JAKMIP2: variants seen among roughly 807,000 people sequenced by gnomAD.
JAKMIP2 encodes janus kinase and microtubule-interacting protein 2.
JAKMIP2 carries 25 observed loss-of-function variants against 115.0 expected under a neutral mutation model. That is an observed-to-expected ratio of 0.22 (90% CI 0.16 to 0.30). The LOEUF (loss-of-function observed/expected upper bound fraction) is 0.30, where lower values mean the gene tolerates loss of function less well. Among genes scored for constraint, JAKMIP2 ranks in the 10% least tolerant of loss-of-function variants. The pLI, the probability that JAKMIP2 is intolerant of heterozygous loss-of-function variation, is 1.00. For synonymous variants in JAKMIP2, 334 were observed against 343.6 expected (o/e 0.97, Z 0.31); for missense variants, 642 against 957.6 (o/e 0.67, Z 4.35).
chr5:147,724,839 A>T (rs1018351651), intron 1 of JAKMIP2, among the ~76,000 whole-genome samples: 1 of 151,912 alleles, frequency 6.6e-6, no homozygotes, highest in Non-Finnish European at 1.5e-5. Context: ...TAGATAAAAA[A>T]CAAGGAAGGA....
chr5:147,689,335 T>C (rs982619910), intron 1 of JAKMIP2, among the ~76,000 whole-genome samples: 6 of 151,960 alleles, frequency 3.9e-5, no homozygotes, highest in Admixed American at 2.6e-4. Context: ...ACAGGAGGAG[T>C]TGAGAGGGGC....
At chr5:147,662,609 G>A (rs1759071187) in intron 2 of JAKMIP2, among the ~76,000 whole-genome samples, 1 of 151,772 alleles carries the variant, frequency 6.6e-6, no homozygotes, top group African/African-American at 2.4e-5. Context: ...CTGCTGCTTG[G>A]CTCTGTCTCT....
chr5:147,611,249 A>T (rs1286903291), intron 20 of JAKMIP2, among the ~76,000 whole-genome samples: 1 of 152,194 alleles, frequency 6.6e-6, no homozygotes, highest in Non-Finnish European at 1.5e-5. Context: ...AAACTCATGC[A>T]GCTAGCTCAG....
chr5:147,762,716 A>G (rs367810386), intron 1 of JAKMIP2, among the ~76,000 whole-genome samples: 2 of 152,296 alleles, frequency 1.3e-5, no homozygotes, highest in Admixed American at 6.5e-5. Context: ...GGGCTTCAAC[A>G]TATGAATTTG....
chr5:147,637,437 A>ATTTTGTTTTTTTTTTTTTTTTT (rs1757672608), intron 10 of JAKMIP2, among the ~76,000 whole-genome samples: 1 of 79,340 alleles, frequency 1.3e-5, no homozygotes, highest in Non-Finnish European at 2.6e-5. Flanking sequence ...AATTCTTTTG[A>ATTTTGTTTTTTTTTTTTTTTTT]TTTTTTTTTT....
At chr5:147,763,192 G>A (rs565015080) in intron 1 of JAKMIP2, among the ~76,000 whole-genome samples, 1 of 152,176 alleles carries the variant, frequency 6.6e-6, no homozygotes, top group East Asian at 1.9e-4. Context: ...AAATTGGTAA[G>A]GGGTGAAGAG....
intron 1 of JAKMIP2, among the ~76,000 whole-genome samples, chr5:147,775,064 T>C (rs1356748777): frequency 6.6e-6 from 1 of 152,150 alleles, no homozygotes; most frequent in Non-Finnish European, 1.5e-5. Context: ...TTGATTTAGG[T>C]GCCAAACAAA....
intron 20 of JAKMIP2, among the ~76,000 whole-genome samples, chr5:147,611,742 A>C (rs1179786909): frequency 6.6e-6 from 1 of 152,066 alleles, no homozygotes; most frequent in Non-Finnish European, 1.5e-5. Context: ...CTCCCACCCC[A>C]CACGCATTTC....
intron 1 of JAKMIP2, among the ~76,000 whole-genome samples, chr5:147,718,399 T>C (rs1753106470): frequency 6.6e-6 from 1 of 151,916 alleles, no homozygotes; most frequent in African/African-American, 2.4e-5. Flanking sequence ...TTTCTATTGA[T>C]TAGAATAGTT....
At chr5:147,617,353 A>C (rs2126643555) in intron 19 of JAKMIP2, among the ~76,000 whole-genome samples, 1 of 152,320 alleles carries the variant, frequency 6.6e-6, no homozygotes, top group South Asian at 2.1e-4. Context: ...AAATTGAGAT[A>C]ATAAAAATAC....
intron 1 of JAKMIP2, among the ~76,000 whole-genome samples, chr5:147,705,142 T>G (rs1205023023): frequency 2.0e-5 from 3 of 152,192 alleles, no homozygotes; most frequent in Non-Finnish European, 4.4e-5. Flanking sequence ...TTACATCAGT[T>G]AAACCCATTA....
At chr5:147,726,556 G>A (rs952158517) in intron 1 of JAKMIP2, among the ~76,000 whole-genome samples, 3 of 152,288 alleles carry the variant, frequency 2.0e-5, no homozygotes, top group East Asian at 1.9e-4. Flanking sequence ...TGTGAGGTAC[G>A]TCTGAAGCTG....
At chr5:147,647,881 G>T (rs1254031617) in intron 5 of JAKMIP2, among the ~76,000 whole-genome samples, 1 of 152,052 alleles carries the variant, frequency 6.6e-6, no homozygotes, top group East Asian at 1.9e-4. Context: ...CAGCTCAGAA[G>T]TTTTAAGAAA....
Position 147,637,436 on chromosome 5 carries a change from G to GTTTTTTTTTTTTTTTTTTTTTT in JAKMIP2, c.1531-389_1531-388insAAAAAAAAAAAAAAAAAAAAAA, listed in dbSNP as rs1561506660. Among the ~76,000 whole-genome samples, 3 of 74,040 alleles carry GTTTTTTTTTTTTTTTTTTTTTT rather than the reference G, an allele frequency of 4.1e-5. 1 individual carries two copies. The highest frequency in any genetic ancestry group is 5.1e-4 in the Admixed American group (2 of 3,950). 48.6% of individuals were successfully genotyped at this position (74,040 alleles called of 152,430 possible). ...CCATTTTGCCTCCCCAAATTCTTTT[G>GTTTTTTTTTTTTTTTTTTTTTT]ATTTTTTTTTTTTTTTTTTTTGAGA... On this transcript the variant is annotated intron_variant, in intron 10 of 21. Coordinates refer to ENST00000616793, the MANE Select transcript of JAKMIP2 (RefSeq NM_001270941.2).
intron 1 of JAKMIP2, among the ~76,000 whole-genome samples, chr5:147,692,368 G>A (rs1267629405): frequency 6.6e-6 from 1 of 152,184 alleles, no homozygotes; most frequent in Non-Finnish European, 1.5e-5. Context: ...CTCCAGAACT[G>A]TGAGAGGATA....
intron 21 of JAKMIP2, among the ~76,000 whole-genome samples, chr5:147,600,441 T>C (rs1345373424): frequency 1.3e-5 from 2 of 152,164 alleles, no homozygotes; most frequent in Non-Finnish European, 2.9e-5. Flanking sequence ...CTCATACCTA[T>C]GGAGGGAGAA....
chr5:147,775,591 T>C (rs1427898414), intron 1 of JAKMIP2, among the ~76,000 whole-genome samples: 2 of 152,176 alleles, frequency 1.3e-5, no homozygotes, highest in Admixed American at 6.5e-5. Flanking sequence ...TAATGATGGA[T>C]TGTTAAGTGT....
At chr5:147,617,853 G>A in intron 19 of JAKMIP2, 58 bp downstream of exon 19, 1 of 1,380,956 alleles carries the variant, frequency 7.2e-7, no homozygotes, top group Non-Finnish European at 1.0e-6. Context: ...CGTGTACCTA[G>A]TACTAAGTTC....
intron 1 of JAKMIP2, among the ~76,000 whole-genome samples, chr5:147,726,583 C>T (rs1456496279): frequency 1.3e-5 from 2 of 152,152 alleles, no homozygotes; most frequent in Admixed American, 1.3e-4. Context: ...ATCTGGTGTA[C>T]TTTGTGCTAT....
Sources: gnomAD v4.1 joint callset for allele counts (sites outside exome capture counted in the v4.1 genomes callset) on GRCh38, gnomAD v4.1.1 for gene constraint, MANE v1.5 for transcripts, NCBI Gene and HGNC (gene_info 2026-07-23, HGNC 2026-07-21) for gene names.